The following DYRK1A variants were observed in gnomAD, a reference collection of about 807,000 sequenced individuals.
DYRK1A encodes dual specificity tyrosine-phosphorylation-regulated kinase 1A.
A neutral mutation model predicts 79.7 loss-of-function variants in DYRK1A; 9 were observed. The observed-to-expected ratio is 0.11, with a 90% CI of 0.07 to 0.20. DYRK1A has a LOEUF of 0.20. DYRK1A is among the 10% of genes least tolerant of loss of function. DYRK1A has a pLI of 1.00. For synonymous variants in DYRK1A, 349 were observed against 329.7 expected (o/e 1.06, Z -0.63); for missense variants, 622 against 956.0 (o/e 0.65, Z 4.61).
At chr21:37,435,102 G>A (rs1210890825) in intron 2 of DYRK1A, among the ~76,000 whole-genome samples, 3 of 152,200 alleles carry the variant, frequency 2.0e-5, no homozygotes, top group East Asian at 3.8e-4. Flanking sequence ...TTTATAGTTG[G>A]TGTTAATTTT....
At chr21:37,493,933 CT>C (rs35158368) in intron 8 of DYRK1A, among the ~76,000 whole-genome samples, 5,461 of 114,140 alleles carry the variant, frequency 0.048, 118 homozygotes, top group Middle Eastern at 0.075. Flanking sequence ...TTTAATTCTT[CT>C]TTTTTTTTTT....
At chr21:37,403,646 A>ATATAT (rs1226212005) in intron 1 of DYRK1A, among the ~76,000 whole-genome samples, 1 of 96,540 alleles carries the variant, frequency 1.0e-5, no homozygotes, top group Non-Finnish European at 2.2e-5. Context: ...AAAAAAAAAA[A>ATATAT]AAATATATAT....
intron 3 of DYRK1A, among the ~76,000 whole-genome samples, chr21:37,474,846 T>G (rs2052343433): frequency 6.6e-6 from 1 of 152,322 alleles, no homozygotes; most frequent in East Asian, 1.9e-4. Context: ...CACAATATCT[T>G]CCATAGTTCT....
At chr21:37,468,191 A>C (rs2052098335) in intron 2 of DYRK1A, among the ~76,000 whole-genome samples, 1 of 152,026 alleles carries the variant, frequency 6.6e-6, no homozygotes, top group African/African-American at 2.4e-5. Context: ...AACTCACTGC[A>C]GCCTTGAAAT....
At chr21:37,445,734 GT>G (rs1369424128) in intron 2 of DYRK1A, among the ~76,000 whole-genome samples, 1 of 152,182 alleles carries the variant, frequency 6.6e-6, no homozygotes, top group African/African-American at 2.4e-5. Flanking sequence ...AGTAGTAACA[GT>G]TTTTCCATAT....
At chr21:37,410,822 C>G (rs2050228565) in intron 1 of DYRK1A, among the ~76,000 whole-genome samples, 1 of 152,074 alleles carries the variant, frequency 6.6e-6, no homozygotes, top group African/African-American at 2.4e-5. Flanking sequence ...TCACAGTGGG[C>G]AGATCACTTG....
chr21:37,497,832 A>G (rs981191426), intron 9 of DYRK1A, among the ~76,000 whole-genome samples: 1 of 152,188 alleles, frequency 6.6e-6, no homozygotes, highest in Admixed American at 6.5e-5. Context: ...TTGGAAGTGG[A>G]TATCTTAACA....
At chr21:37,437,618 A>ATT (rs1423021788) in intron 2 of DYRK1A, among the ~76,000 whole-genome samples, 1 of 152,156 alleles carries the variant, frequency 6.6e-6, no homozygotes, top group Non-Finnish European at 1.5e-5. Context: ...TATAAACAGG[A>ATT]TTATATGTGT....
chr21:37,403,500 A>AGTGCAGTG (rs769360351), intron 1 of DYRK1A, among the ~76,000 whole-genome samples: 62 of 152,052 alleles, frequency 4.1e-4, no homozygotes, highest in Middle Eastern at 3.4e-3. Context: ...CCCAGTCTGG[A>AGTGCAGTG]GTGCAGTGGT....
chr21:37,369,226 A>G (rs1569271285), intron 1 of DYRK1A, among the ~76,000 whole-genome samples: 1 of 152,198 alleles, frequency 6.6e-6, no homozygotes, highest in African/African-American at 2.4e-5. Context: ...TTAATAACTC[A>G]GGGGAATTAC....
intron 2 of DYRK1A, among the ~76,000 whole-genome samples, chr21:37,421,570 A>T (rs554368159): frequency 2.4e-4 from 37 of 152,276 alleles, no homozygotes; most frequent in African/African-American, 8.7e-4. Context: ...ACAGGCTTGC[A>T]CATGTATGTT....
chr21:37,505,658 T>C, intron 10 of DYRK1A, 69 bp downstream of exon 10: 1 of 1,467,106 alleles, frequency 6.8e-7, no homozygotes, highest in Non-Finnish European at 9.1e-7. Context: ...GGGATTATTT[T>C]AAAGTGTTGA....
At chr21:37,482,693 A>G (rs2052694198) in intron 5 of DYRK1A, among the ~76,000 whole-genome samples, 1 of 152,142 alleles carries the variant, frequency 6.6e-6, no homozygotes, top group Non-Finnish European at 1.5e-5. Context: ...TCCTTGTCCT[A>G]ATAAGCCTGG....
At chr21:37,472,595 G>C in intron 2 of DYRK1A, 89 bp from the exon 3 acceptor site, 1 of 1,169,366 alleles carries the variant, frequency 8.6e-7, no homozygotes, top group Non-Finnish European at 1.2e-6. Context: ...ATATCCTAAA[G>C]TTCTTATTTA....
chr21:37,484,611 A>G (rs1569368781), intron 5 of DYRK1A, among the ~76,000 whole-genome samples: 2 of 152,134 alleles, frequency 1.3e-5, no homozygotes, highest in African/African-American at 4.8e-5. Flanking sequence ...GATTACAGGC[A>G]TGAGCTGCTG....
At position 37,524,021 on chromosome 21, in the gene DYRK1A, C is replaced by G. The variant is rs182488568; in HGVS notation, c.*11490C>G. On this transcript the variant is annotated 3_prime_UTR_variant, in exon 12 of 12. Coordinates refer to ENST00000647188, the MANE Select transcript of DYRK1A (RefSeq NM_001347721.2). ...GCTACAACATTTTATTTTTTATTAC[C>G]AATATATACAAGAAAAGTGGATTTC... The G allele has an allele frequency of 1.1e-3, 173 of 152,182 alleles. 2 individuals are homozygous for G. The highest frequency in any genetic ancestry group is 3.8e-3 in the African/African-American group (159 of 41,512). The allele number at this position is 152,182 out of a possible 1,614,324, so 9.4% of individuals were successfully genotyped here.
chr21:37,511,327 A>G (rs1384643458), intron 11 of DYRK1A, among the ~76,000 whole-genome samples: 1 of 152,148 alleles, frequency 6.6e-6, no homozygotes, highest in Non-Finnish European at 1.5e-5. Flanking sequence ...TGTTCCTGCT[A>G]CCCTTTGGAG....
chr21:37,512,028 G>T lies in DYRK1A; in HGVS notation c.1762G>T (p.Ala588Ser). 1 of 1,614,062 alleles carries T rather than the reference G, an allele frequency of 6.2e-7. No individual in the cohort carries two copies. The highest frequency in any genetic ancestry group is 8.5e-7 in the Non-Finnish European group (1 of 1,180,004). ...CTTTCATGTAGCCCCTCAACAGAAT[G>T]CATTGCATCATCACCATGGTAACAG... ...TTFHVAPQQN[A>S]LHHHHGNSSH... The change falls in exon 12 of 12, where the codon GCA becomes TCA. Residue 588 changes from alanine (A) to serine (S), a missense_variant. Transcript: ENST00000647188.
chr21:37,401,649 A>AT (rs1229180313), intron 1 of DYRK1A, among the ~76,000 whole-genome samples: 1 of 151,732 alleles, frequency 6.6e-6, no homozygotes, highest in Non-Finnish European at 1.5e-5. Context: ...CACCTGGCTA[A>AT]TTTTTGTATT....
Sources: allele counts gnomAD v4.1 joint callset (sites outside exome capture counted in the v4.1 genomes callset), GRCh38; gene constraint gnomAD v4.1.1; transcripts MANE v1.5; gene names NCBI Gene and HGNC (gene_info 2026-07-23, HGNC 2026-07-21).